TAFA1: variants seen among roughly 807,000 people sequenced by gnomAD.
TAFA1 encodes the protein chemokine-like protein TAFA-1.
A neutral mutation model predicts 18.5 loss-of-function variants in TAFA1; 4 were observed. That is an observed-to-expected ratio of 0.22 (90% CI 0.11 to 0.49). TAFA1 has a LOEUF of 0.49. Among genes scored for constraint, TAFA1 ranks in the 20% least tolerant of loss-of-function variants. TAFA1 has a pLI of 0.98. For missense variants in TAFA1, 147 were observed against 169.0 expected, an observed-to-expected ratio of 0.87 and a Z score of 0.72; for synonymous variants, 56 against 55.2, an observed-to-expected ratio of 1.01 and a Z score of -0.06.
intron 3 of TAFA1, among the ~76,000 whole-genome samples, chr3:68,472,619 G>C (rs2072021757): frequency 6.6e-6 from 1 of 151,678 alleles, no homozygotes; most frequent in Non-Finnish European, 1.5e-5. Context: ...TCTATATACT[G>C]GTTGTGATAT....
chr3:68,071,923 A>T (rs909878284), intron 2 of TAFA1, among the ~76,000 whole-genome samples: 59 of 151,596 alleles, frequency 3.9e-4, no homozygotes, highest in African/African-American at 1.4e-3. Flanking sequence ...CATGTCCCAA[A>T]CACCTCCCAC....
At chr3:68,371,832 G>A (rs1382459896) in intron 2 of TAFA1, among the ~76,000 whole-genome samples, 70 of 152,280 alleles carry the variant, frequency 4.6e-4, no homozygotes, top group Non-Finnish European at 1.5e-5. Context: ...GAACTGGTGA[G>A]CACACACTGT....
intron 2 of TAFA1, among the ~76,000 whole-genome samples, chr3:68,276,102 A>G (rs2067791051): frequency 1.3e-5 from 2 of 152,108 alleles, no homozygotes; most frequent in South Asian, 4.1e-4. Flanking sequence ...AGACTAGAAA[A>G]AAACAATTTA....
chr3:68,530,608 G>A (rs977333576), intron 3 of TAFA1, among the ~76,000 whole-genome samples: 2 of 152,084 alleles, frequency 1.3e-5, no homozygotes, highest in Admixed American at 1.3e-4. Flanking sequence ...GCTGGTTTTG[G>A]TGGCTGATAT....
At chr3:68,183,481 A>G (rs1031300066) in intron 2 of TAFA1, among the ~76,000 whole-genome samples, 4 of 152,158 alleles carry the variant, frequency 2.6e-5, no homozygotes, top group Non-Finnish European at 4.4e-5. Context: ...TTCCCATTTT[A>G]AGACAAAGTA....
Position 68,058,746 on chromosome 3 carries a change from T to C in TAFA1, c.118+52002T>C, listed in dbSNP as rs1457442569. Among the ~76,000 whole-genome samples, 4 of 152,334 alleles carry C rather than the reference T, an allele frequency of 2.6e-5. No homozygotes were observed. In the South Asian group the frequency reaches 6.2e-4, roughly 24 times the overall value. On this transcript the variant is annotated intron_variant, in intron 2 of 4. Coordinates refer to ENST00000478136, the MANE Select transcript of TAFA1 (RefSeq NM_213609.4). ...CTTGTTGAACAGAGTTGTATACTGA[T>C]ACCTGTTTTCAGACGTGTAAAAGCT...
chr3:68,415,752 C>A (rs962594471), intron 2 of TAFA1, among the ~76,000 whole-genome samples: 1 of 152,060 alleles, frequency 6.6e-6, no homozygotes, highest in Non-Finnish European at 1.5e-5. Flanking sequence ...ACTCACACAA[C>A]CCTGTGATAC....
chr3:68,455,407 C>A (rs1046278998), intron 3 of TAFA1, among the ~76,000 whole-genome samples: 2 of 152,058 alleles, frequency 1.3e-5, no homozygotes, highest in Non-Finnish European at 2.9e-5. Context: ...AATTCTCTAC[C>A]CACCATTTGC....
At chr3:68,354,757 T>A (rs2069331604) in intron 2 of TAFA1, among the ~76,000 whole-genome samples, 1 of 151,970 alleles carries the variant, frequency 6.6e-6, no homozygotes, top group South Asian at 2.1e-4. Context: ...GTTACTCAGA[T>A]AGTGCCTTGT....
intron 2 of TAFA1, among the ~76,000 whole-genome samples, chr3:68,143,645 T>G (rs1050259391): frequency 6.6e-6 from 1 of 152,172 alleles, no homozygotes; most frequent in Admixed American, 6.5e-5. Context: ...TCTTCGGACA[T>G]GGCCAAGTGT....
chr3:67,993,429 G>A, the TAFA1 span, among the ~76,000 whole-genome samples: 1 of 152,170 alleles, frequency 6.6e-6, no homozygotes, highest in Non-Finnish European at 1.5e-5. Context: ...TGGCTTGTAA[G>A]TATTTTCCAA....
chr3:68,540,361 A>G (rs2073352045), intron 4 of TAFA1, among the ~76,000 whole-genome samples: 1 of 152,146 alleles, frequency 6.6e-6, no homozygotes, highest in South Asian at 2.1e-4. Flanking sequence ...TGAAACACCT[A>G]CAAAAGACAT....
At chr3:68,060,725 C>T (rs1423755964) in intron 2 of TAFA1, among the ~76,000 whole-genome samples, 1 of 152,066 alleles carries the variant, frequency 6.6e-6, no homozygotes, top group Non-Finnish European at 1.5e-5. Context: ...ATGTCACGTA[C>T]ATATACCTTA....
intron 2 of TAFA1, among the ~76,000 whole-genome samples, chr3:68,058,812 G>C (rs2064566065): frequency 6.6e-6 from 1 of 152,172 alleles, no homozygotes; most frequent in Non-Finnish European, 1.5e-5. Context: ...ATAGAAAAAG[G>C]CTTGTATAAC....
chr3:68,313,778 A>G (rs2068561471), intron 2 of TAFA1, among the ~76,000 whole-genome samples: 1 of 152,188 alleles, frequency 6.6e-6, no homozygotes, highest in African/African-American at 2.4e-5. Context: ...TAAATCAATC[A>G]CTATTACTGG....
intron 2 of TAFA1, among the ~76,000 whole-genome samples, chr3:68,390,260 T>G (rs144299961): frequency 2.2e-4 from 33 of 152,046 alleles, no homozygotes; most frequent in Non-Finnish European, 3.4e-4. Flanking sequence ...TGGGCAGAGC[T>G]CACCACAGAA....
chr3:68,405,885 C>T (rs1004581414), intron 2 of TAFA1, among the ~76,000 whole-genome samples: 65 of 152,072 alleles, frequency 4.3e-4, no homozygotes, highest in African/African-American at 1.5e-3. Context: ...TCTACCCTTT[C>T]ATCCTCCTCC....
chr3:68,187,310 A>G (rs2066282966), intron 2 of TAFA1, among the ~76,000 whole-genome samples: 1 of 152,030 alleles, frequency 6.6e-6, no homozygotes, highest in African/African-American at 2.4e-5. Flanking sequence ...TCACAAAGTG[A>G]ACATAAAAAA....
chr3:68,397,648 G>T (rs1254466535), intron 2 of TAFA1, among the ~76,000 whole-genome samples: 1 of 151,572 alleles, frequency 6.6e-6, no homozygotes, highest in Non-Finnish European at 1.5e-5. Context: ...CTTTATAATA[G>T]AATGAGTTAT....
Sources: gnomAD v4.1 joint callset for allele counts (sites outside exome capture counted in the v4.1 genomes callset) on GRCh38, gnomAD v4.1.1 for gene constraint, MANE v1.5 for transcripts, NCBI Gene and HGNC (gene_info 2026-07-23, HGNC 2026-07-21) for gene names.